Variants in SGCD observed in about 807,000 individuals in gnomAD.
SGCD encodes the protein sarcoglycan delta, also known as delta-sarcoglycan.
In SGCD, 18 loss-of-function variants were observed where a neutral mutation model predicts 36.6. The ratio of observed to expected loss-of-function variants is 0.49; its 90% CI spans 0.34 to 0.73. The LOEUF (loss-of-function observed/expected upper bound fraction) is 0.73, where lower values mean the gene tolerates loss of function less well. Ranked by LOEUF, SGCD falls within the 30% of genes least tolerant of loss-of-function variation. The probability of loss-of-function intolerance (pLI) is 0.01; values close to 1 mark genes in which losing one functional copy is unlikely to be tolerated. For missense variants in SGCD, 387 were observed against 346.7 expected (o/e 1.12, Z -0.92); for synonymous variants, 133 against 130.6 (o/e 1.02, Z -0.12).
chr5:155,995,986 C>CAAAA (rs753195795), intron 1 of SGCD, among the ~76,000 whole-genome samples: 15 of 45,888 alleles, frequency 3.3e-4, no homozygotes, highest in East Asian at 6.9e-4. Flanking sequence ...CAGACCACAC[C>CAAAA]AAAAAAAAAA....
chr5:156,268,094 T>A (rs1766050142), intron 3 of SGCD, among the ~76,000 whole-genome samples: 1 of 152,204 alleles, frequency 6.6e-6, no homozygotes, highest in Non-Finnish European at 1.5e-5. Context: ...AGTATTTTGT[T>A]TTCTGTTCTT....
intron 3 of SGCD, among the ~76,000 whole-genome samples, chr5:156,298,333 C>T (rs1766953591): frequency 6.6e-6 from 1 of 152,054 alleles, no homozygotes; most frequent in South Asian, 2.1e-4. Flanking sequence ...TTTTTAGGAA[C>T]ATCCATACTA....
At chr5:156,122,141 C>G (rs1762057502) in intron 2 of SGCD, among the ~76,000 whole-genome samples, 1 of 152,118 alleles carries the variant, frequency 6.6e-6, no homozygotes, top group African/African-American at 2.4e-5. Flanking sequence ...TTGGTTCAAA[C>G]CAGGCTCAGC....
At chr5:156,455,290 G>T (rs964666233) in intron 3 of SGCD, among the ~76,000 whole-genome samples, 1 of 152,144 alleles carries the variant, frequency 6.6e-6, no homozygotes, top group Non-Finnish European at 1.5e-5. Context: ...AGTCAAGGAC[G>T]CAGGGTCCCT....
the SGCD span, among the ~76,000 whole-genome samples, chr5:155,755,587 T>C: frequency 6.6e-6 from 1 of 152,246 alleles, no homozygotes; most frequent in African/African-American, 2.4e-5. Flanking sequence ...GTTCTTGGGA[T>C]TCTTTCTTTT....
intron 3 of SGCD, among the ~76,000 whole-genome samples, chr5:156,479,978 G>A (rs1038261294): frequency 1.3e-5 from 2 of 152,190 alleles, no homozygotes; most frequent in Admixed American, 1.3e-4. Context: ...CCTGGGAGGA[G>A]CCCCTGTGGG....
intron 4 of SGCD, among the ~76,000 whole-genome samples, chr5:156,562,539 A>G (rs1018410650): frequency 6.6e-6 from 1 of 152,196 alleles, no homozygotes; most frequent in African/African-American, 2.4e-5. Context: ...TAGGGTCTCA[A>G]ACGCAATTGT....
At chr5:156,091,900 AC>A (rs1761253646) in intron 1 of SGCD, among the ~76,000 whole-genome samples, 1 of 152,072 alleles carries the variant, frequency 6.6e-6, no homozygotes, top group Non-Finnish European at 1.5e-5. Flanking sequence ...GCAGGGGGCC[AC>A]CCCTTGGTTG....
intron 3 of SGCD, among the ~76,000 whole-genome samples, chr5:156,439,917 T>C (rs1193265118): frequency 6.6e-6 from 1 of 152,196 alleles, no homozygotes; most frequent in Non-Finnish European, 1.5e-5. Context: ...CTCTATCTTT[T>C]GATGCCCAGA....
At chr5:156,395,972 G>A (rs1771827258) in intron 3 of SGCD, among the ~76,000 whole-genome samples, 1 of 152,200 alleles carries the variant, frequency 6.6e-6, no homozygotes, top group Admixed American at 6.5e-5. Flanking sequence ...CCAACACAAT[G>A]ATACTATGAG....
chr5:156,225,787 A>T lies in SGCD; in HGVS notation c.-44+101768A>T, dbSNP rs145961516. Among the ~76,000 whole-genome samples, 1,206 of 152,236 alleles carry T rather than the reference A, an allele frequency of 7.9e-3. 8 individuals carry two copies. Among genetic ancestry groups the T allele is most frequent in the Middle Eastern group, 0.041 (12 of 294 alleles). On this transcript the variant is annotated intron_variant, in intron 3 of 9. Transcript: ENST00000517913. ...AGAGAATTTTTGATTTAGACTCAAA[A>T]GCAGAAAGAAAAGCACAGATAATAA...
chr5:156,259,628 C>T (rs1055347468), intron 3 of SGCD, among the ~76,000 whole-genome samples: 1 of 152,064 alleles, frequency 6.6e-6, no homozygotes, highest in African/African-American at 2.4e-5. Flanking sequence ...AGAAAGGGAT[C>T]TAGGTTTATT....
chr5:156,583,583 A>G (rs1233433136), intron 4 of SGCD, among the ~76,000 whole-genome samples: 1 of 152,232 alleles, frequency 6.6e-6, no homozygotes, highest in Non-Finnish European at 1.5e-5. Context: ...GATCATGTTT[A>G]GTTCACACCT....
intron 1 of SGCD, among the ~76,000 whole-genome samples, chr5:156,047,522 G>A (rs535360282): frequency 6.6e-6 from 1 of 152,244 alleles, no homozygotes; most frequent in South Asian, 2.1e-4. Context: ...GGGCCCTTAA[G>A]AATGAGGCTA....
the SGCD span, among the ~76,000 whole-genome samples, chr5:155,825,588 C>G: frequency 6.6e-6 from 1 of 152,142 alleles, no homozygotes; most frequent in African/African-American, 2.4e-5. Flanking sequence ...GATAAAGTTG[C>G]TAGAAGTATG....
chr5:156,748,113 A>G (rs1398050700), intron 7 of SGCD, among the ~76,000 whole-genome samples: 2 of 152,314 alleles, frequency 1.3e-5, no homozygotes, highest in African/African-American at 2.4e-5. Flanking sequence ...AGTTTCAAAA[A>G]TCATAAAAGA....
chr5:155,934,188 A>G (rs532623560), intron 1 of SGCD, among the ~76,000 whole-genome samples: 1 of 152,208 alleles, frequency 6.6e-6, no homozygotes, highest in East Asian at 1.9e-4. Flanking sequence ...CATGGTAGAG[A>G]ATGTTGCCAG....
intron 3 of SGCD, among the ~76,000 whole-genome samples, chr5:156,452,631 G>A (rs932110095): frequency 6.6e-6 from 1 of 152,106 alleles, no homozygotes; most frequent in East Asian, 1.9e-4. Flanking sequence ...ATGAATGAAA[G>A]CCAACAGGGT....
chr5:156,576,153 C>T (rs1364213158), intron 4 of SGCD, among the ~76,000 whole-genome samples: 1 of 151,970 alleles, frequency 6.6e-6, no homozygotes. Flanking sequence ...CATTTCCCAC[C>T]TATGAGTGAG....
Sources: gnomAD v4.1 joint callset for allele counts (sites outside exome capture counted in the v4.1 genomes callset) on GRCh38, gnomAD v4.1.1 for gene constraint, MANE v1.5 for transcripts, NCBI Gene and HGNC (gene_info 2026-07-23, HGNC 2026-07-21) for gene names.